SEPTIN9: variants seen among roughly 807,000 people sequenced by gnomAD.
The protein encoded by SEPTIN9 is septin-9.
A neutral mutation model predicts 56.6 loss-of-function variants in SEPTIN9; 13 were observed. The ratio of observed to expected loss-of-function variants is 0.23; its 90% CI spans 0.15 to 0.37. The LOEUF is 0.37. SEPTIN9 is among the 10% of genes least tolerant of loss of function. SEPTIN9 has a pLI of 1.00. For synonymous variants in SEPTIN9, 332 were observed against 334.1 expected (o/e 0.99, Z 0.07); for missense variants, 650 against 823.1 (o/e 0.79, Z 2.57).
chr17:77,428,912 A>G (rs1232089345), intron 3 of SEPTIN9: 3 of 426,484 alleles, frequency 7.0e-6, no homozygotes, highest in South Asian at 3.3e-5. Flanking sequence ...ATTGGGGACA[A>G]ATTTGGGGAT....
rs1321558943 is a variant in SEPTIN9, at chr17:77,389,114, C to T, written c.77-12945C>T. Among the ~76,000 whole-genome samples the T allele has an allele frequency of 6.6e-6, 1 of 152,136 alleles. No individual in the cohort carries two copies. The stretch of plus-strand genomic sequence containing the variant: ...CCTGGTCCCCGGCAGAGCTTCCCAT[C>T]CATGGGAAGAAGCACCGAGCAGCCT... On this transcript the variant is annotated intron_variant, in intron 2 of 11. Coordinates refer to ENST00000427177, the MANE Select transcript of SEPTIN9 (RefSeq NM_001113491.2). The surrounding 1 kb of genome is among the most constrained non-coding windows in gnomAD (Gnocchi z 4.3).
intron 2 of SEPTIN9, among the ~76,000 whole-genome samples, chr17:77,384,112 C>T (rs1350140207): frequency 6.6e-6 from 1 of 152,150 alleles, no homozygotes; most frequent in Admixed American, 6.5e-5. Flanking sequence ...TGACTGTGAC[C>T]CGGAGTGGGG....
rs1446594589 is a variant in SEPTIN9 at position 77,476,291 on chromosome 17, C to T, written c.722-5853C>T. ...AGGTGGGCCAGGGTCAGCCCTGGGG[C>T]TGTGATGAGTGTGAGTGCCCCTAAA... is the stretch of plus-strand genomic sequence containing the variant. On this transcript the variant is annotated intron_variant, in intron 3 of 11. Transcript: ENST00000427177. This position sits in a 1 kb window ranked among gnomAD's most constrained non-coding sequence, Gnocchi z 6.0. 6.6e-6 allele frequency among the ~76,000 whole-genome samples: 1 copy of T among 152,198 alleles called. No homozygotes were observed. Among genetic ancestry groups the T allele is most frequent in the Non-Finnish European group, 1.5e-5 (1 of 68,028 alleles).
At chr17:77,401,480 G>A (rs560105438) in intron 2 of SEPTIN9, among the ~76,000 whole-genome samples, 4 of 152,090 alleles carry the variant, frequency 2.6e-5, no homozygotes, top group South Asian at 4.2e-4. Context: ...GCACGGTGGC[G>A]CACGCCTGTA....
At chr17:77,440,489 A>G (rs963390329) in intron 3 of SEPTIN9, among the ~76,000 whole-genome samples, 4 of 152,186 alleles carry the variant, frequency 2.6e-5, no homozygotes, top group Non-Finnish European at 4.4e-5. Context: ...TGCCCAGAAA[A>G]TCTTTCAGAT....
Position 77,498,704 on chromosome 17 carries a change from G to A in SEPTIN9, c.*46G>A, listed in dbSNP as rs778316759. On this transcript the variant is annotated 3_prime_UTR_variant, in exon 12 of 12. Transcript: ENST00000427177. ...GGGATCCTGCCCCCAAGTCATTTCC[G>A]TCCCCCCCCAGGCCCTCCCACCACC... 70 of 1,134,068 alleles carry A rather than the reference G, an allele frequency of 6.2e-5. 1 individual carries two copies. Among genetic ancestry groups the A allele is most frequent in the South Asian group, 5.9e-4 (44 of 74,642 alleles). 70.3% of individuals were successfully genotyped at this position (1,134,068 alleles called of 1,614,324 possible).
chr17:77,393,314 C>T (rs751842360), intron 2 of SEPTIN9, among the ~76,000 whole-genome samples: 10 of 152,190 alleles, frequency 6.6e-5, no homozygotes, highest in Non-Finnish European at 1.5e-4. Flanking sequence ...TACTTCAGTT[C>T]TTGGCCAAGG....
rs904891199 is a variant in SEPTIN9 at position 77,421,446 on chromosome 17, G to A, written c.721+18743G>A. Among the ~76,000 whole-genome samples, 1 of 152,170 alleles carries A rather than the reference G, an allele frequency of 6.6e-6. No homozygotes were observed. Among genetic ancestry groups the A allele is most frequent in the Non-Finnish European group, 1.5e-5 (1 of 68,026 alleles). ...GGGAAAGTCAACAGGAAGTCTTTTG[G>A]CTGCGGTGGAGGTGGGGGTCTGTGC... On this transcript the variant is annotated intron_variant, in intron 3 of 11. Transcript: ENST00000427177. The surrounding 1 kb of genome is among the most constrained non-coding windows in gnomAD (Gnocchi z 4.6).
chr17:77,406,399 G>A (rs766038414), intron 3 of SEPTIN9, among the ~76,000 whole-genome samples: 1 of 151,946 alleles, frequency 6.6e-6, no homozygotes, highest in Non-Finnish European at 1.5e-5. Flanking sequence ...CTCGTGTTTG[G>A]CTTGGGATAT....
rs1311990811 is a variant in SEPTIN9, at chr17:77,453,437, C to A, written c.722-28707C>A. On this transcript the variant is annotated intron_variant, in intron 3 of 11. Coordinates refer to ENST00000427177, the MANE Select transcript of SEPTIN9 (RefSeq NM_001113491.2). This position sits in a 1 kb window ranked among gnomAD's most constrained non-coding sequence, Gnocchi z 4.4. ...CCTGGCCAACATGGTGAAACCCTGTCTCTACTAAAAATACTGGCTAATCCG... is the reference window on the plus strand; with the variant it reads ...CCTGGCCAACATGGTGAAACCCTGTATCTACTAAAAATACTGGCTAATCCG... Among the ~76,000 whole-genome samples, 3 of 152,052 alleles carry A rather than the reference C, an allele frequency of 2.0e-5. No individual in the cohort carries two copies. Among genetic ancestry groups the A allele is most frequent in the Non-Finnish European group, 4.4e-5 (3 of 68,016 alleles).
In SEPTIN9 at chr17:77,421,323, C is replaced by T. The variant is rs1251637914; in HGVS notation, c.721+18620C>T. Reference sequence around the variant, plus strand: ...TGGGGTGAGCAGGAACAGATTGGAACCGCATTTCTCTCCCCCCAGTCACAG... The same window carrying T: ...TGGGGTGAGCAGGAACAGATTGGAATCGCATTTCTCTCCCCCCAGTCACAG... On this transcript the variant is annotated intron_variant, in intron 3 of 11. Transcript: ENST00000427177. The surrounding 1 kb of genome is among the most constrained non-coding windows in gnomAD (Gnocchi z 4.6). 1.3e-5 allele frequency among the ~76,000 whole-genome samples: 2 copies of T among 152,206 alleles called. No homozygotes were observed. Among genetic ancestry groups the T allele is most frequent in the African/African-American group, 2.4e-5 (1 of 41,444 alleles).
At chr17:77,314,168 T>C (rs1431253284) in intron 2 of SEPTIN9, among the ~76,000 whole-genome samples, 1 of 147,596 alleles carries the variant, frequency 6.8e-6, no homozygotes, top group East Asian at 2.0e-4. Context: ...AGGCCCTGTT[T>C]CAAAAAAAAA....
intron 3 of SEPTIN9, chr17:77,469,532 G>A (rs1287752257): frequency 6.6e-6 from 1 of 152,196 alleles, no homozygotes; most frequent in Non-Finnish European, 1.5e-5. Flanking sequence ...GCGGGGTCAC[G>A]GCCTGCCTGC....
At chr17:77,432,537 G>A (rs910625867) in intron 3 of SEPTIN9, among the ~76,000 whole-genome samples, 4 of 152,210 alleles carry the variant, frequency 2.6e-5, no homozygotes, top group Non-Finnish European at 4.4e-5. Flanking sequence ...TGAAGTTCTT[G>A]GAGACTGGAC....
At chr17:77,375,477 A>C (rs1276567290) in intron 2 of SEPTIN9, 1 of 152,226 alleles carries the variant, frequency 6.6e-6, no homozygotes, top group African/African-American at 2.4e-5. Flanking sequence ...CATTTGCACT[A>C]TGAAAGTTGT....
At chr17:77,430,008 G>A (rs1461627099) in intron 3 of SEPTIN9, among the ~76,000 whole-genome samples, 1 of 152,164 alleles carries the variant, frequency 6.6e-6, no homozygotes, top group African/African-American at 2.4e-5. Context: ...TCACCATGGG[G>A]TACCCCATGC....
At chr17:77,489,691 G>C (rs2039944282) in intron 7 of SEPTIN9, among the ~76,000 whole-genome samples, 1 of 152,178 alleles carries the variant, frequency 6.6e-6, no homozygotes, top group African/African-American at 2.4e-5. Flanking sequence ...CCAGGTGCAG[G>C]AAGGAGCCTG....
chr17:77,390,741 G>A (rs985091544), intron 2 of SEPTIN9, among the ~76,000 whole-genome samples: 1 of 152,126 alleles, frequency 6.6e-6, no homozygotes, highest in East Asian at 1.9e-4. Context: ...GTGAGCCGCC[G>A]CGCCCGGCCA....
Position 77,326,285 on chromosome 17 carries a change from C to G in SEPTIN9, c.76+19088C>G, listed in dbSNP as rs1387507855. On this transcript the variant is annotated intron_variant, in intron 2 of 11. Transcript: ENST00000427177. This position sits in a 1 kb window ranked among gnomAD's most constrained non-coding sequence, Gnocchi z 5.1. ...GGGTCCCGTGGAGGACAAAGCCAGA[C>G]ACAGTCCTTGCCCTCATGGGACTGC... is the stretch of plus-strand genomic sequence containing the variant. Among the ~76,000 whole-genome samples the G allele has an allele frequency of 1.3e-5, 2 of 152,246 alleles. No homozygotes were observed. Among genetic ancestry groups the G allele is most frequent in the African/African-American group, 4.8e-5 (2 of 41,462 alleles).
Sources: gnomAD v4.1 joint callset for allele counts (sites outside exome capture counted in the v4.1 genomes callset) on GRCh38, gnomAD v4.1.1 for gene constraint, Gnocchi (gnomAD v3.1) non-coding constraint, MANE v1.5 for transcripts, NCBI Gene and HGNC (gene_info 2026-07-23, HGNC 2026-07-21) for gene names.